PCDHGB2: variants seen among roughly 807,000 people sequenced by gnomAD.
PCDHGB2 encodes the protein protocadherin gamma-B2.
In PCDHGB2, 55 loss-of-function variants were observed where a neutral mutation model predicts 59.3. The observed-to-expected ratio is 0.93, with a 90% CI of 0.75 to 1.16. The LOEUF (loss-of-function observed/expected upper bound fraction) is 1.16. PCDHGB2 is among the 50% of genes most tolerant of loss of function. The pLI, the probability that PCDHGB2 is intolerant of heterozygous loss-of-function variation, is 0.00. For synonymous variants in PCDHGB2, 516 were observed against 512.0 expected (o/e 1.01, Z -0.11); for missense variants, 1,228 against 1,198.5 (o/e 1.02, Z -0.36).
chr5:141,403,299 T>A (rs1247528606), intron 1 of PCDHGB2: 1 of 1,613,896 alleles, frequency 6.2e-7, no homozygotes, highest in Admixed American at 1.7e-5. Flanking sequence ...AGAGTGAAAC[T>A]GTACGGAATA....
chr5:141,403,207 CACCGCGGGTAGGATAG>C, intron 1 of PCDHGB2: 1 of 1,613,966 alleles, frequency 6.2e-7, no homozygotes, highest in South Asian at 1.1e-5. Context: ...GCACCTTGGT[CACCGCGGGTAGGATAG>C]ACCGGGAGGA....
At chr5:141,419,635 G>A in intron 1 of PCDHGB2, 1 of 1,612,480 alleles carries the variant, frequency 6.2e-7, no homozygotes, top group African/African-American at 1.3e-5. Flanking sequence ...CCAAGGTGGT[G>A]GCCGTGGACG....
chr5:141,404,809 G>A (rs1383342554), intron 1 of PCDHGB2: 1 of 1,613,984 alleles, frequency 6.2e-7, no homozygotes, highest in East Asian at 2.2e-5. Flanking sequence ...TCTTCTCGGT[G>A]GGGCTGCACA....
chr5:141,452,749 G>A (rs1453824335), intron 1 of PCDHGB2, among the ~76,000 whole-genome samples: 1 of 152,052 alleles, frequency 6.6e-6, no homozygotes, highest in African/African-American at 2.4e-5. Flanking sequence ...AGAGAAGGAA[G>A]AAGGAAGGGA....
In PCDHGB2 at chr5:141,487,046, G is replaced by A; in HGVS notation, c.2422-7761G>A. ...CAGCCTGTTTGCAGTCTCTCGATATGCTGGGGAGGTGCGGACGGCTGTTCC... is the reference window on the plus strand; with the variant it reads ...CAGCCTGTTTGCAGTCTCTCGATATACTGGGGAGGTGCGGACGGCTGTTCC... On this transcript the variant is annotated intron_variant, in intron 1 of 3. Coordinates refer to ENST00000522605, the MANE Select transcript of PCDHGB2 (RefSeq NM_018923.3). The surrounding 1 kb of genome is among the most constrained non-coding windows in gnomAD (Gnocchi z 5.0). 6.2e-7 allele frequency: 1 copy of A among 1,614,192 alleles called. No individual in the cohort carries two copies. Among genetic ancestry groups the A allele is most frequent in the Non-Finnish European group, 8.5e-7 (1 of 1,180,040 alleles).
chr5:141,448,956 C>A (rs2098619571), intron 1 of PCDHGB2, among the ~76,000 whole-genome samples: 1 of 151,948 alleles, frequency 6.6e-6, no homozygotes, highest in Non-Finnish European at 1.5e-5. Context: ...AAAAAACAAA[C>A]AAACAAACAA....
At position 141,361,660 on chromosome 5, in the gene PCDHGB2, G is replaced by C. The variant is rs768286784; in HGVS notation, c.1525G>C (p.Ala509Pro). 22 of 1,613,628 alleles carry C rather than the reference G, an allele frequency of 1.4e-5. No individual in the cohort carries two copies. The highest frequency in any genetic ancestry group is 3.3e-5 in the South Asian group (3 of 91,092). ...GATTTTATCCTACGTGTCCGTGAGCGCGCAGAGCGGGGTGGTGTTCGCGCA... is the reference window on the plus strand; with the variant it reads ...GATTTTATCCTACGTGTCCGTGAGCCCGCAGAGCGGGGTGGTGTTCGCGCA... ...REILSYVSVS[A>P]QSGVVFAQRA... Residue 509 changes from alanine (A) to proline (P), a missense_variant, in exon 1 of 4, where the codon GCG becomes CCG. By Grantham distance (27) the Ala-to-Pro change is conservative. Transcript: ENST00000522605.
At chr5:141,365,379 CCT>C in intron 1 of PCDHGB2, 5 of 1,613,964 alleles carry the variant, frequency 3.1e-6, no homozygotes, top group Non-Finnish European at 4.2e-6. Context: ...GTGATCCTCA[CCT>C]CTCTGACCAG....
chr5:141,366,378 A>T, intron 1 of PCDHGB2: 1 of 1,613,986 alleles, frequency 6.2e-7, no homozygotes, highest in Middle Eastern at 1.6e-4. Context: ...ACCCCCATTG[A>T]CCCTGAGGAT....
At chr5:141,443,872 A>C (rs1446612063) in intron 1 of PCDHGB2, among the ~76,000 whole-genome samples, 4 of 152,212 alleles carry the variant, frequency 2.6e-5, no homozygotes, top group African/African-American at 9.7e-5. Flanking sequence ...AAAATTACTG[A>C]TAAGTCAAGA....
At chr5:141,459,891 CT>C (rs1405964049) in intron 1 of PCDHGB2, among the ~76,000 whole-genome samples, 1 of 152,158 alleles carries the variant, frequency 6.6e-6, no homozygotes, top group African/African-American at 2.4e-5. Flanking sequence ...TGAACGCCTT[CT>C]TAAAATTGAG....
At position 141,477,811 on chromosome 5, in the gene PCDHGB2, C is replaced by A. The variant is rs1211574518; in HGVS notation, c.2422-16996C>A. 1 of 1,614,046 alleles carries A rather than the reference C, an allele frequency of 6.2e-7. No individual in the cohort carries two copies. Among genetic ancestry groups the A allele is most frequent in the Non-Finnish European group, 8.5e-7 (1 of 1,180,034 alleles). On this transcript the variant is annotated intron_variant, in intron 1 of 3. Transcript: ENST00000522605. This position sits in a 1 kb window ranked among gnomAD's most constrained non-coding sequence, Gnocchi z 4.9. ...TCACTGATCGCAATGACAATGCCCC[C>A]CAGGTCCTATATCCTCGGCCAGGTG...
intron 1 of PCDHGB2, chr5:141,373,906 A>T: frequency 1.7e-6 from 1 of 604,222 alleles, no homozygotes; most frequent in South Asian, 4.3e-5. Context: ...ACATCCTCCA[A>T]CAACAAAGCA....
chr5:141,504,135 C>T (rs758903340), intron 2 of PCDHGB2, among the ~76,000 whole-genome samples: 1 of 152,188 alleles, frequency 6.6e-6, no homozygotes, highest in Non-Finnish European at 1.5e-5. Context: ...CCCGCCAACA[C>T]TCCCCTGCAA....
chr5:141,478,392 A>G, intron 1 of PCDHGB2: 1 of 1,613,560 alleles, frequency 6.2e-7, no homozygotes, highest in Non-Finnish European at 8.5e-7. Context: ...CTTTACCATC[A>G]GGTGTATCTC....
At chr5:141,450,626 A>G (rs1474729472) in intron 1 of PCDHGB2, among the ~76,000 whole-genome samples, 1 of 151,438 alleles carries the variant, frequency 6.6e-6, no homozygotes, top group East Asian at 2.0e-4. Context: ...AGCTGGGATT[A>G]CAGATGCCTG....
At chr5:141,389,519 C>T in intron 1 of PCDHGB2, 1 of 1,613,156 alleles carries the variant, frequency 6.2e-7, no homozygotes, top group South Asian at 1.1e-5. Context: ...CGAACGTGAG[C>T]CTGCGCGTGT....
intron 1 of PCDHGB2, chr5:141,441,868 C>A: frequency 3.0e-6 from 1 of 338,212 alleles, no homozygotes; most frequent in Non-Finnish European, 5.8e-6. Flanking sequence ...CGCCGCGGAG[C>A]CTGGCTACCT....
intron 1 of PCDHGB2, chr5:141,410,146 C>T (rs2095361527): frequency 2.5e-6 from 4 of 1,612,390 alleles, no homozygotes; most frequent in Non-Finnish European, 2.5e-6. Context: ...CTGTGCGTGA[C>T]GGTGGACAGC....
Sources: allele counts gnomAD v4.1 joint callset (sites outside exome capture counted in the v4.1 genomes callset), GRCh38; gene constraint gnomAD v4.1.1; non-coding constraint Gnocchi (gnomAD v3.1); transcripts MANE v1.5; gene names NCBI Gene and HGNC (gene_info 2026-07-23, HGNC 2026-07-21).